GRM7: variants seen among roughly 807,000 people sequenced by gnomAD.
GRM7 encodes the protein glutamate metabotropic receptor 7.
A neutral mutation model predicts 84.5 loss-of-function variants in GRM7; 35 were observed. The observed-to-expected ratio is 0.41, with a 90% CI of 0.32 to 0.55. GRM7 has a LOEUF of 0.55. Ranked by LOEUF, GRM7 falls within the 20% of genes least tolerant of loss-of-function variation. The pLI, the probability that GRM7 is intolerant of heterozygous loss-of-function variation, is 0.19. For synonymous variants in GRM7, 487 were observed against 455.1 expected (o/e 1.07, Z -0.89); for missense variants, 1,003 against 1,194.6 (o/e 0.84, Z 2.36).
intron 1 of GRM7, among the ~76,000 whole-genome samples, chr3:6,999,214 G>A (rs1050066475): frequency 1.2e-4 from 18 of 152,082 alleles, no homozygotes; most frequent in South Asian, 4.1e-4. Flanking sequence ...GTTTCTTTGC[G>A]AAATCATAGC....
chr3:7,160,066 G>C (rs1470244807), intron 2 of GRM7, among the ~76,000 whole-genome samples: 1 of 152,108 alleles, frequency 6.6e-6, no homozygotes, highest in African/African-American at 2.4e-5. Context: ...AGCATTAAAG[G>C]CACACAAACT....
chr3:6,862,981 A>C lies in GRM7; in HGVS notation c.519+1074A>C. 2.2e-6 allele frequency: 1 copy of C among 456,304 alleles called. No homozygotes were observed. Among genetic ancestry groups the C allele is most frequent in the Non-Finnish European group, 4.4e-6 (1 of 226,806 alleles). The allele number at this position is 456,304 out of a possible 1,614,324, so 28.3% of individuals were successfully genotyped here. On this transcript the variant is annotated intron_variant, in intron 1 of 9. Coordinates refer to ENST00000357716, the MANE Select transcript of GRM7 (RefSeq NM_000844.4). This position sits in a 1 kb window ranked among gnomAD's most constrained non-coding sequence, Gnocchi z 5.2. ...CTCCTGCTCCAGCAGCCTCTGCCCC[A>C]TGGCTCCTGAGCTGCACTGGGTAGG... is the stretch of plus-strand genomic sequence containing the variant.
At chr3:7,733,229 A>T (rs1030977632) in intron 9 of GRM7, among the ~76,000 whole-genome samples, 2 of 152,180 alleles carry the variant, frequency 1.3e-5, no homozygotes, top group African/African-American at 4.8e-5. Flanking sequence ...AGTTAAATCC[A>T]GGTTCTTATC....
chr3:7,413,921 A>G (rs1389799065), intron 4 of GRM7, among the ~76,000 whole-genome samples: 4 of 152,078 alleles, frequency 2.6e-5, no homozygotes, highest in African/African-American at 9.7e-5. Flanking sequence ...AAATGATGCA[A>G]TTCCCACCAA....
chr3:7,129,346 A>G (rs1693514570), intron 1 of GRM7, among the ~76,000 whole-genome samples: 1 of 152,232 alleles, frequency 6.6e-6, no homozygotes, highest in African/African-American at 2.4e-5. Context: ...AAAGCTGCAC[A>G]TGATCAACAC....
chr3:7,094,027 CTT>C (rs1698768136), intron 1 of GRM7, among the ~76,000 whole-genome samples: 1 of 152,096 alleles, frequency 6.6e-6, no homozygotes, highest in Non-Finnish European at 1.5e-5. Flanking sequence ...TAATTACTCT[CTT>C]TTACTGATTT....
At chr3:7,014,377 G>C (rs1695490045) in intron 1 of GRM7, among the ~76,000 whole-genome samples, 1 of 151,838 alleles carries the variant, frequency 6.6e-6, no homozygotes, top group South Asian at 2.1e-4. Flanking sequence ...GTTTTACTCT[G>C]TCACCCAGGC....
At chr3:6,911,454 G>T (rs533867623) in intron 1 of GRM7, among the ~76,000 whole-genome samples, 28 of 152,192 alleles carry the variant, frequency 1.8e-4, no homozygotes, top group Non-Finnish European at 3.1e-4. Context: ...CTTGACAACT[G>T]TTATTAGTTT....
At chr3:7,207,321 G>GA (rs1454392888) in intron 2 of GRM7, among the ~76,000 whole-genome samples, 1 of 152,170 alleles carries the variant, frequency 6.6e-6, no homozygotes, top group Non-Finnish European at 1.5e-5. Flanking sequence ...CAGGGCTTCT[G>GA]CATCAGGAGC....
At position 6,955,601 on chromosome 3, in the gene GRM7, T is replaced by A. The variant is rs2125074826; in HGVS notation, c.519+93694T>A. Among the ~76,000 whole-genome samples the A allele has an allele frequency of 1.3e-5, 2 of 151,696 alleles. 1 individual carries two copies. The highest frequency in any genetic ancestry group is 3.9e-4 in the East Asian group (2 of 5,136). On this transcript the variant is annotated intron_variant, in intron 1 of 9. Transcript: ENST00000357716. ...GACTCACGCCTGTAATCCTAGAACT[T>A]TAGGAGGCTGAGATGGGCAGATTGT... is the stretch of plus-strand genomic sequence containing the variant.
intron 9 of GRM7, among the ~76,000 whole-genome samples, chr3:7,725,752 T>A (rs1702102080): frequency 6.6e-6 from 1 of 152,218 alleles, no homozygotes; most frequent in African/African-American, 2.4e-5. Context: ...ATTAGTCCAT[T>A]ACCTGGCTGG....
intron 1 of GRM7, among the ~76,000 whole-genome samples, chr3:7,136,825 C>T (rs541441132): frequency 2.0e-5 from 3 of 152,184 alleles, no homozygotes; most frequent in Non-Finnish European, 4.4e-5. Context: ...AGGTCTTTTT[C>T]TTCCATAAGG....
rs116084663 is a variant in GRM7 at position 7,111,512 on chromosome 3, A to G, written c.520-34940A>G. ...AGGAGAATGGAAGAAAGCATCAGGA[A>G]CCCATTTCTAGCATGAGTCGTTAAG... On this transcript the variant is annotated intron_variant, in intron 1 of 9. Transcript: ENST00000357716. Among the ~76,000 whole-genome samples, 1,142 of 152,192 alleles carry G rather than the reference A, an allele frequency of 7.5e-3. 18 individuals carry two copies. Among genetic ancestry groups the G allele is most frequent in the African/African-American group, 0.026 (1,080 of 41,548 alleles).
At chr3:6,919,535 A>C (rs926616097) in intron 1 of GRM7, among the ~76,000 whole-genome samples, 1 of 150,960 alleles carries the variant, frequency 6.6e-6, no homozygotes, top group Non-Finnish European at 1.5e-5. Flanking sequence ...CTTATGCTTC[A>C]AAACGTAGAA....
chr3:7,052,470 C>T (rs1282909383), intron 1 of GRM7, among the ~76,000 whole-genome samples: 1 of 151,400 alleles, frequency 6.6e-6, no homozygotes, highest in East Asian at 1.9e-4. Context: ...ATCTAATTTA[C>T]CACCCACCAA....
At chr3:7,728,600 A>T (rs1355298496) in intron 9 of GRM7, among the ~76,000 whole-genome samples, 1 of 152,142 alleles carries the variant, frequency 6.6e-6, no homozygotes, top group East Asian at 1.9e-4. Flanking sequence ...GGAGCACAGG[A>T]CTATCTTTAT....
At chr3:7,293,514 G>A (rs7653020) in intron 2 of GRM7, among the ~76,000 whole-genome samples, 97,397 of 152,008 alleles carry the variant, frequency 0.64, 32,106 homozygotes, top group African/African-American at 0.8. Flanking sequence ...TGGCTCTTCA[G>A]TTGCCACATT....
intron 1 of GRM7, among the ~76,000 whole-genome samples, chr3:7,077,564 G>A (rs887789750): frequency 7.9e-6 from 1 of 125,818 alleles, no homozygotes; most frequent in African/African-American, 3.1e-5. Context: ...ACACACTGGG[G>A]CCTGTCGGGG....
chr3:7,078,265 C>G lies in GRM7; in HGVS notation c.520-68187C>G, dbSNP rs547551872. 3.2e-3 allele frequency among the ~76,000 whole-genome samples: 490 copies of G among 152,320 alleles called. 5 individuals are homozygous for G. Among genetic ancestry groups the G allele is most frequent in the African/African-American group, 0.011 (470 of 41,580 alleles). Reference sequence around the variant, plus strand: ...CAAGTGCACTTTGTGGTCTACACATCATCATCACCCAGAAACTTGTTAGAA... The same window carrying G: ...CAAGTGCACTTTGTGGTCTACACATGATCATCACCCAGAAACTTGTTAGAA... On this transcript the variant is annotated intron_variant, in intron 1 of 9. Transcript: ENST00000357716.
Sources: gnomAD v4.1 joint callset for allele counts (sites outside exome capture counted in the v4.1 genomes callset) on GRCh38, gnomAD v4.1.1 for gene constraint, Gnocchi (gnomAD v3.1) non-coding constraint, MANE v1.5 for transcripts, NCBI Gene and HGNC (gene_info 2026-07-23, HGNC 2026-07-21) for gene names.